Variants in PLCB2 observed in about 807,000 individuals in gnomAD.
The protein encoded by PLCB2 is 1-phosphatidylinositol 4,5-bisphosphate phosphodiesterase beta-2.
In PLCB2, 115 loss-of-function variants were observed where a neutral mutation model predicts 141.7. The ratio of observed to expected loss-of-function variants is 0.81; its 90% confidence interval spans 0.70 to 0.95. The LOEUF is 0.95. PLCB2 is among the 40% of genes least tolerant of loss of function. PLCB2 has a pLI of 0.00. For missense variants in PLCB2, 1,403 were observed against 1,541.1 expected (o/e 0.91, Z 1.50); for synonymous variants, 603 against 595.6 (o/e 1.01, Z -0.18).
In PLCB2 at chr15:40,290,638, T is replaced by A; in HGVS notation, c.3148A>T (p.Lys1050Ter). ...TKEMKKKLET[K>*]RLERIQGMTK... is the part of the protein sequence containing the mutation. ...ATGCCCTGGATCCGCTCCAGTCTCT[T>A]TGTCTCCAGCTTTTTCTTCATCTCT... The change falls in exon 29 of 32, where the codon AAG becomes TAG. Residue 1050 changes from lysine (K) to a stop codon, truncating the protein, a stop_gained. Coordinates refer to ENST00000260402, the MANE Select transcript of PLCB2 (RefSeq NM_004573.3). LOFTEE classifies it high-confidence loss of function. 1 of 1,614,074 alleles carries A rather than the reference T, an allele frequency of 6.2e-7. No homozygotes were observed. The highest frequency in any genetic ancestry group is 8.5e-7 in the Non-Finnish European group (1 of 1,179,984).
Position 40,291,465 on chromosome 15 carries a change from C to T in PLCB2, c.2670G>A (p.Glu890=). The T allele has an allele frequency of 6.4e-7, 1 of 1,567,266 alleles. No homozygotes were observed. The highest frequency in any genetic ancestry group is 1.4e-5 in the African/African-American group (1 of 74,036). ...EAAEPRTASL[E]ELRELKGVVK... Reference sequence around the variant, plus strand: ...CCACGCCCTTTAGCTCCCGGAGCTCCTCCAGGCTGGCGGTCCGCGGCTCTG... The same window carrying T: ...CCACGCCCTTTAGCTCCCGGAGCTCTTCCAGGCTGGCGGTCCGCGGCTCTG... The change falls in exon 26 of 32, where the codon GAG becomes GAA. Residue 890 remains glutamate (E), a synonymous_variant. Coordinates refer to ENST00000260402, the MANE Select transcript of PLCB2 (RefSeq NM_004573.3).
At chr15:40,303,523 C>T (rs763871542) in intron 2 of PLCB2, among the ~76,000 whole-genome samples, 167 bp from the exon 3 acceptor site, 1 of 152,142 alleles carries the variant, frequency 6.6e-6, no homozygotes, top group East Asian at 1.9e-4. Flanking sequence ...CCCAAACTTC[C>T]CTTCCTATGG....
At position 40,295,256 on chromosome 15, in the gene PLCB2, A is replaced by T. The variant is rs779855223; in HGVS notation, c.1726T>A (p.Phe576Ile). The change falls in exon 17 of 32, where the codon TTC (phenylalanine) becomes ATC (isoleucine). Residue 576 changes from phenylalanine (F) to isoleucine (I), a missense_variant. By Grantham distance (21) the Phe-to-Ile change is conservative. Around this residue, in one of 4 missense-constraint regions of PLCB2, gnomAD observed 975 missense variants for 1,141.1 expected, o/e 0.85. Transcript: ENST00000260402. ...QKNRSYVISS[F>I]TELKAYDLLS... ...AGGTCATATGCCTTGAGCTCTGTGA[A>T]GGACGAGATGACATAACTTCGGTTC... 1 of 1,613,860 alleles carries T rather than the reference A, an allele frequency of 6.2e-7. No homozygotes were observed. Among genetic ancestry groups the T allele is most frequent in the South Asian group, 1.1e-5 (1 of 91,082 alleles).
chr15:40,301,491 A>G, intron 7 of PLCB2: 5 of 702,426 alleles, frequency 7.1e-6, no homozygotes, highest in South Asian at 4.4e-5. Flanking sequence ...TACAGAGCAG[A>G]AGTCTGCATC....
Position 40,288,785 on chromosome 15 carries a change from T to C in PLCB2, c.3488A>G (p.Glu1163Gly). Reference protein sequence around the residue: ...EAKDKPERACECPPELCEQDP... With the variant: ...EAKDKPERACGCPPELCEQDP... ...CTGCTCACACAGCTCTGGGGGGCAC[T>C]CGCAGGCCCTCTCAGGCTTGTCCTT... The change falls in exon 32 of 32, where the codon GAG becomes GGG. Residue 1163 changes from glutamate to glycine, a missense_variant. Glu to Gly is a moderately conservative substitution (Grantham distance 98). Coordinates refer to ENST00000260402, the MANE Select transcript of PLCB2 (RefSeq NM_004573.3). 1 of 1,613,948 alleles carries C rather than the reference T, an allele frequency of 6.2e-7. No homozygotes were observed. Among genetic ancestry groups the C allele is most frequent in the East Asian group, 2.2e-5 (1 of 44,894 alleles).
At chr15:40,295,957 C>T (rs1245618687) in intron 16 of PLCB2, among the ~76,000 whole-genome samples, 31 of 152,194 alleles carry the variant, frequency 2.0e-4, no homozygotes, top group Admixed American at 2.0e-3. Context: ...CCTCCACTCC[C>T]TCTCAGGAAG....
chr15:40,290,509 T>C, intron 29 of PLCB2, 68 bp downstream of exon 29: 2 of 1,116,032 alleles, frequency 1.8e-6, no homozygotes, highest in Admixed American at 1.8e-5. Context: ...CAGGATCCAT[T>C]TGTAGAGAGG....
Position 40,307,663 on chromosome 15 carries a change from G to T in PLCB2, c.10C>A (p.Leu4Ile). MSL[L>I]NPVLLPPKVK... ...TTGGGGGGCAGCAGGACAGGGTTGAGCAGAGACATGGTGCCAAGCGTTCCT... is the reference window on the plus strand; with the variant it reads ...TTGGGGGGCAGCAGGACAGGGTTGATCAGAGACATGGTGCCAAGCGTTCCT... Residue 4 changes from leucine to isoleucine, a missense_variant, in exon 1 of 32, where the codon CTC becomes ATC. This residue lies in a region of PLCB2 where 975 missense variants were observed against 1,141.1 expected (regional missense o/e 0.85). Transcript: ENST00000260402. The T allele has an allele frequency of 6.4e-7, 1 of 1,567,264 alleles. No individual in the cohort carries two copies.
rs762749326 is a variant in PLCB2, at chr15:40,290,754, G to A, written c.3113+7C>T. On this transcript the variant is annotated splice_region_variant and intron_variant, in intron 28 of 31. Coordinates refer to ENST00000260402, the MANE Select transcript of PLCB2 (RefSeq NM_004573.3). ...GCGAAGCAGGTGTGGGAGGGAGGCA[G>A]TCGTACTTCTCCGACGTCTCCTTCA... 16 of 1,613,356 alleles carry A rather than the reference G, an allele frequency of 9.9e-6. No homozygotes were observed. Among genetic ancestry groups the A allele is most frequent in the Non-Finnish European group, 1.3e-5 (15 of 1,179,434 alleles).
Position 40,296,824 on chromosome 15 carries a change from G to C in PLCB2, c.1408C>G (p.Pro470Ala), listed in dbSNP as rs1257852526. 1 of 1,614,072 alleles carries C rather than the reference G, an allele frequency of 6.2e-7. No individual in the cohort carries two copies. Among genetic ancestry groups the C allele is most frequent in the South Asian group, 1.1e-5 (1 of 91,082 alleles). Residue 470 changes from proline (P) to alanine (A), a missense_variant, in exon 14 of 32, where the codon CCC (proline) becomes GCC (alanine). Transcript: ENST00000260402. The part of the protein sequence containing the change: ...IKNKKNQFSG[P>A]TSSSKDTGGE... ...CCAGTATCCTTACTGGAGGAGGTGG[G>C]GCCAGAAAACTGGTTCTTCTTGTTC... is the stretch of plus-strand genomic sequence containing the variant.
chr15:40,285,766 G>A (rs771305152), downstream of PLCB2: 11 of 985,352 alleles, frequency 1.1e-5, no homozygotes, highest in Non-Finnish European at 6.0e-6. Flanking sequence ...GAACCTGTGT[G>A]TGGCCCACCA....
At position 40,304,094 on chromosome 15, in the gene PLCB2, GCCAGCACTCTGTT is replaced by G; in HGVS notation, c.85-29_85-17del. 6.4e-7 allele frequency: 1 copy of G among 1,569,488 alleles called. No individual in the cohort carries two copies. Among genetic ancestry groups the G allele is most frequent in the Non-Finnish European group, 8.7e-7 (1 of 1,151,832 alleles). On this transcript the variant is annotated splice_polypyrimidine_tract_variant and intron_variant, in intron 1 of 31. Transcript: ENST00000260402. The stretch of plus-strand genomic sequence containing the variant: ...CTGTAGTTTCCTGCAGAGAGAAGGA[GCCAGCACTCTGTT>G]CCAAGACCTCAGGCCAAGCCTCCCT...
chr15:40,303,769 C>T, intron 2 of PLCB2: 1 of 532,128 alleles, frequency 1.9e-6, no homozygotes, highest in South Asian at 2.4e-5. Context: ...CTGTCTCTCT[C>T]TCTCCCCAAG....
chr15:40,291,241 G>A, intron 26 of PLCB2, 24 bp downstream of exon 26: 1 of 1,572,732 alleles, frequency 6.4e-7, no homozygotes, highest in South Asian at 1.1e-5. Context: ...GCTGCAGAGG[G>A]CAGGGCACCG....
At chr15:40,305,737 C>T (rs771218217) in intron 1 of PLCB2, among the ~76,000 whole-genome samples, 1 of 152,212 alleles carries the variant, frequency 6.6e-6, no homozygotes, top group African/African-American at 2.4e-5. Context: ...CAGCTTTAAG[C>T]TTCTGCCAGG....
chr15:40,291,023 C>T lies in PLCB2; in HGVS notation c.3031G>A (p.Ala1011Thr), dbSNP rs1228109470. 1 of 1,592,474 alleles carries T rather than the reference C, an allele frequency of 6.3e-7. No individual in the cohort carries two copies. The highest frequency in any genetic ancestry group is 8.5e-7 in the Non-Finnish European group (1 of 1,177,340). The change falls in exon 27 of 32, where the codon GCC (alanine) becomes ACC (threonine). Residue 1011 changes from alanine (A) to threonine (T), a missense_variant. Physicochemically the swap from Ala to Thr is moderately conservative, Grantham distance 58 (BLOSUM62 0). This residue lies in a region of PLCB2 where 290 missense variants were observed against 245.9 expected (regional missense o/e 1.18). Coordinates refer to ENST00000260402, the MANE Select transcript of PLCB2 (RefSeq NM_004573.3). Reference sequence around the variant, plus strand: ...GCCCTGCCCCTCCCGGCCACCTCGGCCACGTGCTGCTCCTTGCGCTTCAGA... The same window carrying T: ...GCCCTGCCCCTCCCGGCCACCTCGGTCACGTGCTGCTCCTTGCGCTTCAGA... The part of the protein sequence containing the change: ...CVLKRKEQHV[A>T]EQISKMMELA...
rs143809148 is a variant in PLCB2, at chr15:40,305,434, A to T, written c.85-1356T>A. On this transcript the variant is annotated intron_variant, in intron 1 of 31. Transcript: ENST00000260402. ...GACTCCTGCCCAGGAGACCAAGTGG[A>T]CTACAGCGAGCTAACTGTGTGAGGC... is the stretch of plus-strand genomic sequence containing the variant. 5.9e-3 allele frequency among the ~76,000 whole-genome samples: 902 copies of T among 152,212 alleles called. 6 individuals carry two copies. The highest frequency in any genetic ancestry group is 0.021 in the African/African-American group (862 of 41,522).
rs1011362908 is a variant in PLCB2, at chr15:40,297,219, A to T, written c.1323+302T>A. On this transcript the variant is annotated intron_variant, in intron 13 of 31. Transcript: ENST00000260402. The surrounding 1 kb of genome is among the most constrained non-coding windows in gnomAD (Gnocchi z 4.2). ...TCCAGGAAGCCTTCCCTGATCCCCA[A>T]GACCAGATCAGAACTCCCCAGGTGC... is the stretch of plus-strand genomic sequence containing the variant. Among the ~76,000 whole-genome samples the T allele has an allele frequency of 1.1e-4, 16 of 152,066 alleles. No homozygotes were observed. Among genetic ancestry groups the T allele is most frequent in the Non-Finnish European group, 8.8e-5 (6 of 68,006 alleles).
Position 40,297,942 on chromosome 15 carries a change from A to T in PLCB2, c.1173T>A (p.Ile391=). Reference sequence around the variant, plus strand: ...GGGAGGTCTTAAAGGCGCTTTCTGCAATAGCCTCAATTGCTTCCTGGAGGA... The same window carrying T: ...GGGAGGTCTTAAAGGCGCTTTCTGCTATAGCCTCAATTGCTTCCTGGAGGA... ...DIFFKEAIEA[I]AESAFKTSPY... is the part of the protein sequence containing the mutation. Residue 391 remains isoleucine (I), a synonymous_variant, in exon 12 of 32, where the codon ATT becomes ATA. Coordinates refer to ENST00000260402, the MANE Select transcript of PLCB2 (RefSeq NM_004573.3). This position sits in a 1 kb window ranked among gnomAD's most constrained non-coding sequence, Gnocchi z 4.2. 1 of 1,611,558 alleles carries T rather than the reference A, an allele frequency of 6.2e-7. No homozygotes were observed. The highest frequency in any genetic ancestry group is 8.5e-7 in the Non-Finnish European group (1 of 1,177,752).
Sources: allele counts gnomAD v4.1 joint callset (sites outside exome capture counted in the v4.1 genomes callset), GRCh38; gene constraint gnomAD v4.1.1; regional missense constraint gnomAD v4.1.1; non-coding constraint Gnocchi (gnomAD v3.1); transcripts MANE v1.5; gene names NCBI Gene and HGNC (gene_info 2026-07-23, HGNC 2026-07-21).